EPHA10: variants seen among roughly 807,000 people sequenced by gnomAD.
EPHA10 encodes ephrin type-A receptor 10.
EPHA10 carries 120 observed loss-of-function variants against 109.7 expected under a neutral mutation model. That is an observed-to-expected ratio of 1.09 (90% confidence interval 0.94 to 1.27). The LOEUF (loss-of-function observed/expected upper bound fraction) is 1.27, where lower values mean the gene tolerates loss of function less well. Ranked by LOEUF, EPHA10 falls within the 50% of genes most tolerant of loss-of-function variation. EPHA10 has a pLI of 0.00. For missense variants in EPHA10, 1,396 were observed against 1,411.1 expected (o/e 0.99, Z 0.17); for synonymous variants, 640 against 618.9 (o/e 1.03, Z -0.51).
In EPHA10 at chr1:37,716,732, C is replaced by T. The variant is rs769157479; in HGVS notation, c.*1640G>A. 3.4e-5 allele frequency: 8 copies of T among 232,874 alleles called. No individual in the cohort carries two copies. The highest frequency in any genetic ancestry group is 5.9e-5 in the Non-Finnish European group (7 of 117,940). The allele number at this position is 232,874 out of a possible 1,614,324, so 14.4% of individuals were successfully genotyped here. A position where few individuals can be genotyped will look rare whatever the true frequency, so the allele number is the denominator to read the frequency against. ...CTGCATGGACTCCTTTTGTCCGAGGCCTGCCATCTTGCCTGCCGAAAACTC... is the reference window on the plus strand; with the variant it reads ...CTGCATGGACTCCTTTTGTCCGAGGTCTGCCATCTTGCCTGCCGAAAACTC... On this transcript the variant is annotated 3_prime_UTR_variant, in exon 17 of 17. Coordinates refer to ENST00000373048, the MANE Select transcript of EPHA10 (RefSeq NM_001099439.2).
At chr1:37,760,509 A>G (rs1055561723) in intron 3 of EPHA10, 1 of 986,862 alleles carries the variant, frequency 1.0e-6, no homozygotes, top group Non-Finnish European at 1.2e-6. Flanking sequence ...CAACTTCCCA[A>G]TCCCTCTCTC....
Position 37,761,410 on chromosome 1 carries a change from C to A in EPHA10, c.845G>T (p.Cys282Phe). 6.3e-7 allele frequency: 1 copy of A among 1,599,246 alleles called. No homozygotes were observed. The highest frequency in any genetic ancestry group is 8.5e-7 in the Non-Finnish European group (1 of 1,179,752). ...SAGFQERGDF[C>F]EACPPGFYKV... ...GCCCCCAGCCAACTGGATACCTTCGCAGAAGTCACCACGCTCCTGGAATCC... is the reference window on the plus strand; with the variant it reads ...GCCCCCAGCCAACTGGATACCTTCGAAGAAGTCACCACGCTCCTGGAATCC... Residue 282 changes from cysteine (C) to phenylalanine (F), a missense_variant, in exon 3 of 17, where the codon TGC (cysteine) becomes TTC (phenylalanine). Physicochemically the swap from Cys to Phe is radical, Grantham distance 205 (BLOSUM62 -2). Transcript: ENST00000373048.
intron 11 of EPHA10, among the ~76,000 whole-genome samples, chr1:37,721,109 G>C (rs1189487703): frequency 6.6e-6 from 1 of 151,988 alleles, no homozygotes; most frequent in Non-Finnish European, 1.5e-5. Context: ...TATTCTAGGG[G>C]ACCTATCACA....
At chr1:37,751,201 C>CAAAAAAAAAAAAAAAAAAAAAAAAAAA (rs1320111085) in intron 5 of EPHA10, among the ~76,000 whole-genome samples, 5 of 46,126 alleles carry the variant, frequency 1.1e-4, no homozygotes, top group Admixed American at 3.3e-4. Flanking sequence ...AGACTCCTCT[C>CAAAAAAAAAAAAAAAAAAAAAAAAAAA]AAAAAAAAAA....
intron 6 of EPHA10, chr1:37,734,786 G>A (rs1175667202): frequency 2.8e-6 from 1 of 358,130 alleles, no homozygotes; most frequent in African/African-American, 2.2e-5. Context: ...TATATGACTG[G>A]AATTATAATA....
intron 11 of EPHA10, among the ~76,000 whole-genome samples, chr1:37,721,201 C>T (rs530220982): frequency 4.0e-5 from 6 of 149,350 alleles, no homozygotes; most frequent in African/African-American, 7.4e-5. Flanking sequence ...AGGTGGATCA[C>T]GAGGTCAGGA....
chr1:37,744,095 T>A (rs1276955802), intron 5 of EPHA10, among the ~76,000 whole-genome samples: 1 of 152,126 alleles, frequency 6.6e-6, no homozygotes, highest in Non-Finnish European at 1.5e-5. Flanking sequence ...ATAATTTGAT[T>A]CAAAACTACA....
chr1:37,761,422 C>A lies in EPHA10; in HGVS notation c.833G>T (p.Arg278Leu). 1 of 1,599,456 alleles carries A rather than the reference C, an allele frequency of 6.3e-7. No individual in the cohort carries two copies. The highest frequency in any genetic ancestry group is 8.5e-7 in the Non-Finnish European group (1 of 1,179,786). Residue 278 changes from arginine to leucine, a missense_variant, in exon 3 of 17, where the codon CGT becomes CTT. Physicochemically the swap from Arg to Leu is moderately radical, Grantham distance 102 (BLOSUM62 -2). Coordinates refer to ENST00000373048, the MANE Select transcript of EPHA10 (RefSeq NM_001099439.2). ...RCSCSAGFQE[R>L]GDFCEACPPG... ...CTGGATACCTTCGCAGAAGTCACCACGCTCCTGGAATCCCGCGCTGCAGCT... is the reference window on the plus strand; with the variant it reads ...CTGGATACCTTCGCAGAAGTCACCAAGCTCCTGGAATCCCGCGCTGCAGCT...
chr1:37,716,583 G>A lies in EPHA10; in HGVS notation c.*1789C>T. 4.3e-6 allele frequency: 1 copy of A among 232,884 alleles called. No homozygotes were observed. The highest frequency in any genetic ancestry group is 8.5e-6 in the Non-Finnish European group (1 of 117,958). The allele number at this position is 232,884 out of a possible 1,614,324, so 14.4% of individuals were successfully genotyped here. On this transcript the variant is annotated 3_prime_UTR_variant, in exon 17 of 17. Transcript: ENST00000373048. The stretch of plus-strand genomic sequence containing the variant: ...GGCTGGGGGGAGATTCCAAGAGCAG[G>A]GGAGCTGCTGCTGGCAGGGTAAGGC...
At chr1:37,757,559 CT>C (rs2148368828) in intron 3 of EPHA10, among the ~76,000 whole-genome samples, 1 of 152,288 alleles carries the variant, frequency 6.6e-6, no homozygotes, top group Admixed American at 6.5e-5. Flanking sequence ...CCTTGTGAAG[CT>C]TTCCTTGGCA....
Position 37,761,666 on chromosome 1 carries a change from C to A in EPHA10, c.589G>T (p.Ala197Ser), listed in dbSNP as rs533853183. The change falls in exon 3 of 17, where the codon GCA becomes TCA. Residue 197 changes from alanine (A) to serine (S), a missense_variant. Coordinates refer to ENST00000373048, the MANE Select transcript of EPHA10 (RefSeq NM_001099439.2). ...GFHLAFQDVG[A>S]CVALVSVRVY... The stretch of plus-strand genomic sequence containing the variant: ...CGCACCGAGACAAGCGCCACGCATG[C>A]GCCCACGTCCTGAAAGGCCAGGTGG... 8.2e-5 allele frequency: 132 copies of A among 1,609,866 alleles called. No homozygotes were observed. Among genetic ancestry groups the A allele is most frequent in the Non-Finnish European group, 1.1e-4 (128 of 1,179,858 alleles).
In EPHA10 at chr1:37,716,370, G is replaced by A. The variant is rs563504782; in HGVS notation, c.*2002C>T. The A allele has an allele frequency of 1.3e-4, 32 of 239,276 alleles. No individual in the cohort carries two copies. The highest frequency in any genetic ancestry group is 2.0e-4 in the Non-Finnish European group (25 of 122,174). The allele number at this position is 239,276 out of a possible 1,614,324, so 14.8% of individuals were successfully genotyped here. A position where few individuals can be genotyped will look rare whatever the true frequency, so the allele number is the denominator to read the frequency against. The stretch of plus-strand genomic sequence containing the variant: ...GACTGATGTAGCTGGAGATGAGGAC[G>A]AGGCTCCATCCACCCAAGAAGGGAT... On this transcript the variant is annotated 3_prime_UTR_variant, in exon 17 of 17. Transcript: ENST00000373048.
At chr1:37,736,476 CA>C (rs543417433) in intron 5 of EPHA10, among the ~76,000 whole-genome samples, 115 of 57,826 alleles carry the variant, frequency 2.0e-3, no homozygotes, top group African/African-American at 3.5e-3. Flanking sequence ...AATTCTGTCT[CA>C]AAAAAAAAAA....
chr1:37,761,812 C>T lies in EPHA10; in HGVS notation c.443G>A (p.Arg148Gln), dbSNP rs377655424. The change falls in exon 3 of 17, where the codon CGG becomes CAG. Residue 148 changes from arginine (R) to glutamine (Q), a missense_variant. By Grantham distance (43) the Arg-to-Gln change is conservative (BLOSUM62 1). Coordinates refer to ENST00000373048, the MANE Select transcript of EPHA10 (RefSeq NM_001099439.2). ...CGCGATCGTGTCGATTTTGCGGGGC[C>T]GGCTGCCGCCTAGGCGGGGACGCCC... is the stretch of plus-strand genomic sequence containing the variant. ...GRGRPRLGGS[R>Q]PRKIDTIAAD... 3.1e-5 allele frequency: 50 copies of T among 1,613,566 alleles called. No homozygotes were observed. The highest frequency in any genetic ancestry group is 8.3e-5 in the Admixed American group (5 of 59,984).
chr1:37,754,079 G>T lies in EPHA10; in HGVS notation c.1006+136C>A. ...TCCGCTCCCCCGTACGCCGCCTTCC[G>T]GGGCGCTGGCCCCCATATCCGCCCA... On this transcript the variant is annotated intron_variant, in intron 4 of 16. Coordinates refer to ENST00000373048, the MANE Select transcript of EPHA10 (RefSeq NM_001099439.2). The surrounding 1 kb of genome is among the most constrained non-coding windows in gnomAD (Gnocchi z 4.5). 1 of 1,027,712 alleles carries T rather than the reference G, an allele frequency of 9.7e-7. No homozygotes were observed. The highest frequency in any genetic ancestry group is 1.3e-6 in the Non-Finnish European group (1 of 799,708). The allele number at this position is 1,027,712 out of a possible 1,614,324, so 63.7% of individuals were successfully genotyped here.
At chr1:37,738,543 C>T (rs896426362) in intron 5 of EPHA10, among the ~76,000 whole-genome samples, 1 of 152,072 alleles carries the variant, frequency 6.6e-6, no homozygotes, top group Non-Finnish European at 1.5e-5. Flanking sequence ...AAATTGGAAC[C>T]CTTGTACACC....
At chr1:37,734,518 G>A (rs1486132702) in intron 6 of EPHA10, 3 of 413,766 alleles carry the variant, frequency 7.3e-6, no homozygotes, top group African/African-American at 6.3e-5. Context: ...TGGGTGACAA[G>A]AATGAAACTC....
rs991775593 is a variant in EPHA10 at position 37,717,215 on chromosome 1, C to T, written c.*1157G>A. On this transcript the variant is annotated 3_prime_UTR_variant, in exon 17 of 17. Transcript: ENST00000373048. ...AAGGAACTCCACGGTGGGCTCAGCA[C>T]AACCACTTCTGCCAGGGCTCTTCAA... The T allele has an allele frequency of 6.0e-5, 14 of 232,962 alleles. No individual in the cohort carries two copies. The Admixed American group carries it at 7.3e-4, about 12-fold the overall frequency. 14.4% of individuals were successfully genotyped at this position (232,962 alleles called of 1,614,324 possible). A position where few individuals can be genotyped will look rare whatever the true frequency, so the allele number is the denominator to read the frequency against.
intron 5 of EPHA10, among the ~76,000 whole-genome samples, chr1:37,750,043 G>A (rs1646299443): frequency 6.6e-6 from 1 of 152,038 alleles, no homozygotes; most frequent in Admixed American, 6.6e-5. Context: ...AAAACAAAAG[G>A]GATTTTATAG....
Sources: gnomAD v4.1 joint callset for allele counts (sites outside exome capture counted in the v4.1 genomes callset) on GRCh38, gnomAD v4.1.1 for gene constraint, Gnocchi (gnomAD v3.1) non-coding constraint, MANE v1.5 for transcripts, NCBI Gene and HGNC (gene_info 2026-07-23, HGNC 2026-07-21) for gene names.